CSNK1G1: variants seen among roughly 807,000 people sequenced by gnomAD.
CSNK1G1 encodes the protein casein kinase I isoform gamma-1.
In CSNK1G1, 22 loss-of-function variants were observed where a neutral mutation model predicts 59.6. The observed-to-expected ratio is 0.37, with a 90% CI of 0.26 to 0.53. The LOEUF (loss-of-function observed/expected upper bound fraction) is 0.53. Ranked by LOEUF, CSNK1G1 falls within the 20% of genes least tolerant of loss-of-function variation. The pLI, the probability that CSNK1G1 is intolerant of heterozygous loss-of-function variation, is 0.89. For synonymous variants in CSNK1G1, 179 were observed against 177.1 expected, an observed-to-expected ratio of 1.01 and a Z score of -0.08; for missense variants, 384 against 519.5, an observed-to-expected ratio of 0.74 and a Z score of 2.54.
chr15:64,268,282 T>C (rs1357661591), intron 2 of CSNK1G1, among the ~76,000 whole-genome samples: 2 of 152,018 alleles, frequency 1.3e-5, no homozygotes, highest in African/African-American at 2.4e-5. Flanking sequence ...GCTGATCTCA[T>C]AGGAGAGAAC....
At chr15:64,175,655 A>G (rs2081732848) in intron 11 of CSNK1G1, among the ~76,000 whole-genome samples, 1 of 152,168 alleles carries the variant, frequency 6.6e-6, no homozygotes, top group African/African-American at 2.4e-5. Flanking sequence ...AAACTCTCAC[A>G]TAGGAATAAA....
chr15:64,323,616 C>G lies in CSNK1G1; in HGVS notation c.-224-22893G>C, dbSNP rs527975078. On this transcript the variant is annotated intron_variant, in intron 1 of 11. Transcript: ENST00000303052. ...CTGACCTCAGGTGATCCACCCGCCT[C>G]GGCCTCCCAAAGTGCTGGGATTACA... 1.5e-3 allele frequency among the ~76,000 whole-genome samples: 224 copies of G among 152,192 alleles called. 1 individual carries two copies. Among genetic ancestry groups the G allele is most frequent in the African/African-American group, 5.3e-3 (218 of 41,520 alleles).
In CSNK1G1 at chr15:64,212,638, G is replaced by A. The variant is rs1259710284; in HGVS notation, c.679+1252C>T. Among the ~76,000 whole-genome samples the A allele has an allele frequency of 3.3e-5, 5 of 152,218 alleles. No individual in the cohort carries two copies. The East Asian group carries it at 9.6e-4, about 29-fold the overall frequency. On this transcript the variant is annotated intron_variant, in intron 6 of 11. Coordinates refer to ENST00000303052, the MANE Select transcript of CSNK1G1 (RefSeq NM_022048.5). ...TGAGAAAGATCTCTCCAGCTCAGGTGACTGAGGTTATAGTGAGCTATGATC... is the reference window on the plus strand; with the variant it reads ...TGAGAAAGATCTCTCCAGCTCAGGTAACTGAGGTTATAGTGAGCTATGATC...
intron 3 of CSNK1G1, among the ~76,000 whole-genome samples, chr15:64,258,815 A>G (rs1892534085): frequency 6.6e-6 from 1 of 152,166 alleles, no homozygotes; most frequent in Non-Finnish European, 1.5e-5. Context: ...ATGATCAGTT[A>G]TGATTTTCTT....
At chr15:64,340,939 T>C (rs1166996162) in intron 1 of CSNK1G1, among the ~76,000 whole-genome samples, 1 of 151,998 alleles carries the variant, frequency 6.6e-6, no homozygotes. Flanking sequence ...ACCTGGGCAA[T>C]AGAGTGAGGC....
intron 10 of CSNK1G1, among the ~76,000 whole-genome samples, chr15:64,182,168 G>T (rs977756064): frequency 3.4e-5 from 5 of 148,538 alleles, no homozygotes; most frequent in African/African-American, 1.3e-4. Context: ...GGTTCAAGCG[G>T]TTCTCCTGCC....
rs1270434267 is a variant in CSNK1G1 at position 64,207,546 on chromosome 15, T to C, written c.728A>G (p.Tyr243Cys). The C allele has an allele frequency of 6.2e-7, 1 of 1,614,022 alleles. No individual in the cohort carries two copies. Among genetic ancestry groups the C allele is most frequent in the Non-Finnish European group, 8.5e-7 (1 of 1,179,950 alleles). Residue 243 changes from tyrosine to cysteine, a missense_variant, in exon 7 of 12, where the codon TAT becomes TGT. Transcript: ENST00000303052. ...CCAGGGGAGGCTGCCTCGAAGGAAA[T>C]ACATGAACATATGGCCTAGGGCTTC... ...DLEALGHMFMYFLRGSLPWQG... is the reference protein window; with the variant it reads ...DLEALGHMFMCFLRGSLPWQG...
intron 4 of CSNK1G1, among the ~76,000 whole-genome samples, chr15:64,240,126 C>T (rs1040202494): frequency 6.6e-6 from 1 of 152,044 alleles, no homozygotes; most frequent in African/African-American, 2.4e-5. Context: ...CCCAGCTACG[C>T]GGGAGGCTGA....
chr15:64,183,087 T>TA (rs920140919), intron 10 of CSNK1G1, among the ~76,000 whole-genome samples: 14 of 152,190 alleles, frequency 9.2e-5, no homozygotes, highest in Admixed American at 9.2e-4. Context: ...AGACGTTAAA[T>TA]AAAATGTCTT....
intron 1 of CSNK1G1, among the ~76,000 whole-genome samples, chr15:64,333,816 T>C (rs1897243137): frequency 1.3e-5 from 2 of 152,190 alleles, no homozygotes; most frequent in African/African-American, 2.4e-5. Context: ...AAAGTCATTA[T>C]ACAATGATAA....
chr15:64,219,371 T>C (rs2082355905), intron 4 of CSNK1G1, among the ~76,000 whole-genome samples: 2 of 152,240 alleles, frequency 1.3e-5, no homozygotes, highest in South Asian at 4.1e-4. Context: ...TTAATGCCAC[T>C]AAAATGTTAT....
intron 10 of CSNK1G1, among the ~76,000 whole-genome samples, chr15:64,186,768 C>T (rs1306651855): frequency 6.6e-6 from 1 of 152,142 alleles, no homozygotes; most frequent in Non-Finnish European, 1.5e-5. Context: ...CTAGGCTTCT[C>T]AAAATGCTGG....
intron 1 of CSNK1G1, among the ~76,000 whole-genome samples, chr15:64,351,293 G>A (rs1438729341): frequency 6.6e-6 from 1 of 152,182 alleles, no homozygotes; most frequent in Non-Finnish European, 1.5e-5. Flanking sequence ...AAATTCAGCT[G>A]TATTTTGTTC....
chr15:64,352,211 C>A (rs1473538461), intron 1 of CSNK1G1, among the ~76,000 whole-genome samples: 9 of 151,848 alleles, frequency 5.9e-5, no homozygotes, highest in Non-Finnish European at 8.8e-5. Flanking sequence ...GAGGCTGAGG[C>A]AGTAGAATTG....
intron 10 of CSNK1G1, 29 bp from the exon 11 acceptor site, chr15:64,180,483 A>G: frequency 6.4e-7 from 1 of 1,558,208 alleles, no homozygotes; most frequent in Non-Finnish European, 8.9e-7. Context: ...AGTGTGTGAC[A>G]GGCACCATGG....
chr15:64,265,001 T>C (rs539825900), intron 2 of CSNK1G1, among the ~76,000 whole-genome samples: 3 of 152,198 alleles, frequency 2.0e-5, no homozygotes, highest in South Asian at 4.1e-4. Context: ...TTATACAACA[T>C]AGTATTCAAA....
At chr15:64,327,596 A>C (rs1213705297) in intron 1 of CSNK1G1, among the ~76,000 whole-genome samples, 1 of 147,690 alleles carries the variant, frequency 6.8e-6, no homozygotes, top group Non-Finnish European at 1.5e-5. Context: ...GAAAAACTGG[A>C]AACTCTAAAA....
Position 64,216,525 on chromosome 15 carries a change from C to T in CSNK1G1, c.444+37G>A. 1 of 1,602,334 alleles carries T rather than the reference C, an allele frequency of 6.2e-7. No individual in the cohort carries two copies. The highest frequency in any genetic ancestry group is 8.5e-7 in the Non-Finnish European group (1 of 1,170,952). ...GCCCACAAGGATGTGGCTGAGGAACCAGCTTATTCTCTTCTAGAAGAGCAA... is the reference window on the plus strand; with the variant it reads ...GCCCACAAGGATGTGGCTGAGGAACTAGCTTATTCTCTTCTAGAAGAGCAA... On this transcript the variant is annotated intron_variant, in intron 5 of 11. Coordinates refer to ENST00000303052, the MANE Select transcript of CSNK1G1 (RefSeq NM_022048.5). The surrounding 1 kb of genome is among the most constrained non-coding windows in gnomAD (Gnocchi z 4.6).
chr15:64,199,250 CA>C (rs56819260), intron 10 of CSNK1G1, among the ~76,000 whole-genome samples: 8,951 of 52,492 alleles, frequency 0.17, 103 homozygotes, highest in Admixed American at 0.2. Flanking sequence ...AATCTTTTCT[CA>C]AAAAAAAAAA....
Sources: allele counts gnomAD v4.1 joint callset (sites outside exome capture counted in the v4.1 genomes callset), GRCh38; gene constraint gnomAD v4.1.1; non-coding constraint Gnocchi (gnomAD v3.1); transcripts MANE v1.5; gene names NCBI Gene and HGNC (gene_info 2026-07-23, HGNC 2026-07-21).